The following MLLT3 variants were observed in gnomAD, a reference collection of about 807,000 sequenced individuals.
The protein encoded by MLLT3 is MLLT3 super elongation complex subunit.
MLLT3 carries 4 observed loss-of-function variants against 53.2 expected under a neutral mutation model. That is an observed-to-expected ratio of 0.08 (90% CI 0.04 to 0.17). The LOEUF (loss-of-function observed/expected upper bound fraction) is 0.17, where lower values mean the gene tolerates loss of function less well. MLLT3 is among the 10% of genes least tolerant of loss of function. MLLT3 has a pLI of 1.00. For synonymous variants in MLLT3, 283 were observed against 230.6 expected, an observed-to-expected ratio of 1.23 and a Z score of -2.06; for missense variants, 569 against 684.0, an observed-to-expected ratio of 0.83 and a Z score of 1.87.
At chr9:20,589,717 T>G (rs1820078368) in intron 2 of MLLT3, among the ~76,000 whole-genome samples, 1 of 151,134 alleles carries the variant, frequency 6.6e-6, no homozygotes, top group Non-Finnish European at 1.5e-5. Flanking sequence ...TCGGTGATTT[T>G]TTTTTTTTTT....
chr9:20,614,855 T>C (rs1023507970), intron 2 of MLLT3, among the ~76,000 whole-genome samples: 1 of 139,484 alleles, frequency 7.2e-6, no homozygotes, highest in East Asian at 2.0e-4. Context: ...GGGGCCAAGG[T>C]TGGTCCATGG....
At position 20,573,372 on chromosome 9, in the gene MLLT3, G is replaced by T. The variant is rs115269505; in HGVS notation, c.193+47282C>A. Among the ~76,000 whole-genome samples the T allele has an allele frequency of 5.2e-3, 785 of 152,054 alleles. 5 individuals are homozygous for T. Among genetic ancestry groups the T allele is most frequent in the African/African-American group, 0.018 (732 of 41,482 alleles). On this transcript the variant is annotated intron_variant, in intron 2 of 10. Coordinates refer to ENST00000380338, the MANE Select transcript of MLLT3 (RefSeq NM_004529.4). The stretch of plus-strand genomic sequence containing the variant: ...TTTTCTGTATTTTTCATAAAGATGG[G>T]TTTCACCATGTTGCCCAGACTAGTC...
chr9:20,498,265 A>G (rs891056949), intron 2 of MLLT3, among the ~76,000 whole-genome samples: 3 of 130,738 alleles, frequency 2.3e-5, no homozygotes, highest in East Asian at 2.4e-4. Flanking sequence ...AAAAAAAAAA[A>G]AGTTCTTCTA....
chr9:20,558,093 A>G (rs6475460), intron 2 of MLLT3, among the ~76,000 whole-genome samples: 127,431 of 152,136 alleles, frequency 0.84, 53,789 homozygotes, highest in Middle Eastern at 0.94. Flanking sequence ...AGAGGCTGCA[A>G]GAAGGAAGCC....
rs948944934 is a variant in MLLT3 at position 20,342,130 on chromosome 9, C to G, written c.*4313G>C. 22 of 215,138 alleles carry G rather than the reference C, an allele frequency of 1.0e-4. No homozygotes were observed. Among genetic ancestry groups the G allele is most frequent in the Non-Finnish European group, 1.8e-4 (19 of 106,640 alleles). 13.3% of individuals were successfully genotyped at this position (215,138 alleles called of 1,614,324 possible). ...AGAAAAGGCTAGGGGCTAATTTTTCCTGTATGCAAAATAAAGCCAAACTTT... is the reference window on the plus strand; with the variant it reads ...AGAAAAGGCTAGGGGCTAATTTTTCGTGTATGCAAAATAAAGCCAAACTTT... On this transcript the variant is annotated 3_prime_UTR_variant, in exon 11 of 11. Transcript: ENST00000380338.
At chr9:20,552,523 G>A (rs947921934) in intron 2 of MLLT3, among the ~76,000 whole-genome samples, 7 of 150,934 alleles carry the variant, frequency 4.6e-5, no homozygotes, top group South Asian at 2.1e-4. Context: ...TGTTGTTATC[G>A]TTGTTGTTGT....
At chr9:20,506,592 T>C (rs1825387141) in intron 2 of MLLT3, among the ~76,000 whole-genome samples, 1 of 152,134 alleles carries the variant, frequency 6.6e-6, no homozygotes, top group African/African-American at 2.4e-5. Flanking sequence ...GCATTCCAAA[T>C]CACATGCCAA....
At position 20,606,196 on chromosome 9, in the gene MLLT3, A is replaced by G. The variant is rs557377623; in HGVS notation, c.193+14458T>C. ...TGGGTCTTGGAGCCCACTGCCTGTA[A>G]AATCTCCCATGGAGATTCAAGACCA... On this transcript the variant is annotated intron_variant, in intron 2 of 10. Transcript: ENST00000380338. Among the ~76,000 whole-genome samples the G allele has an allele frequency of 9.2e-5, 14 of 152,232 alleles. No individual in the cohort carries two copies. In the South Asian group the frequency reaches 2.9e-3, roughly 32 times the overall value.
intron 5 of MLLT3, among the ~76,000 whole-genome samples, chr9:20,407,403 T>C (rs1822610092): frequency 6.6e-6 from 1 of 152,170 alleles, no homozygotes; most frequent in African/African-American, 2.4e-5. Context: ...TCCTGGATGT[T>C]TCACAGCTCT....
At chr9:20,523,166 G>A (rs559922738) in intron 2 of MLLT3, among the ~76,000 whole-genome samples, 4 of 152,020 alleles carry the variant, frequency 2.6e-5, no homozygotes, top group African/African-American at 9.7e-5. Context: ...TTAAAACAAC[G>A]AGCTATTTCT....
chr9:20,553,203 C>CA (rs530245786), intron 2 of MLLT3, among the ~76,000 whole-genome samples: 114 of 152,180 alleles, frequency 7.5e-4, no homozygotes, highest in Non-Finnish European at 1.4e-3. Context: ...TAAAACAAAA[C>CA]AAAAAAGCCC....
chr9:20,561,118 TACACATGCATGCACGCAC>T (rs1487908264), intron 2 of MLLT3, among the ~76,000 whole-genome samples: 1 of 152,134 alleles, frequency 6.6e-6, no homozygotes, highest in Non-Finnish European at 1.5e-5. Context: ...TTCTCCAGGT[TACACATGCATGCACGCAC>T]ACACACGCGT....
At chr9:20,379,050 T>C (rs1821845697) in intron 5 of MLLT3, among the ~76,000 whole-genome samples, 1 of 152,088 alleles carries the variant, frequency 6.6e-6, no homozygotes. Flanking sequence ...AATCAATCTA[T>C]TGTTGCACTT....
intron 4 of MLLT3, among the ~76,000 whole-genome samples, chr9:20,447,601 T>C (rs1823737010): frequency 6.6e-6 from 1 of 152,186 alleles, no homozygotes; most frequent in South Asian, 2.1e-4. Context: ...TTTGCTACCA[T>C]TACTTTAAAA....
intron 2 of MLLT3, among the ~76,000 whole-genome samples, chr9:20,503,421 G>A (rs1035545337): frequency 1.3e-5 from 2 of 152,072 alleles, no homozygotes; most frequent in African/African-American, 4.8e-5. Flanking sequence ...TTTCAACAAA[G>A]GTGCCAAGAA....
At chr9:20,441,923 C>G (rs753444785) in intron 4 of MLLT3, among the ~76,000 whole-genome samples, 1 of 152,054 alleles carries the variant, frequency 6.6e-6, no homozygotes, top group Non-Finnish European at 1.5e-5. Flanking sequence ...TTCCTAAGAA[C>G]ATAATTTGTT....
intron 5 of MLLT3, among the ~76,000 whole-genome samples, chr9:20,401,815 A>C (rs988160776): frequency 3.0e-4 from 45 of 152,198 alleles, no homozygotes; most frequent in African/African-American, 1.1e-3. Context: ...ATAATAAAAT[A>C]AACATTCTGT....
rs946877642 is a variant in MLLT3 at position 20,504,166 on chromosome 9, T to C, written c.194-47380A>G. Among the ~76,000 whole-genome samples the C allele has an allele frequency of 2.6e-5, 4 of 152,140 alleles. No individual in the cohort carries two copies. In the South Asian group the frequency reaches 6.2e-4, roughly 24 times the overall value. On this transcript the variant is annotated intron_variant, in intron 2 of 10. Coordinates refer to ENST00000380338, the MANE Select transcript of MLLT3 (RefSeq NM_004529.4). Reference sequence around the variant, plus strand: ...TTAAGGTTCCTCAAAAATTAAATTATTGACCTAGCAATTCCAAAACTGTGT... The same window carrying C: ...TTAAGGTTCCTCAAAAATTAAATTACTGACCTAGCAATTCCAAAACTGTGT...
intron 2 of MLLT3, among the ~76,000 whole-genome samples, chr9:20,619,112 C>T (rs547097855): frequency 2.6e-5 from 4 of 152,172 alleles, no homozygotes; most frequent in Admixed American, 2.6e-4. Context: ...ACCTCATCAG[C>T]GATAGAAATT....
Sources: gnomAD v4.1 joint callset for allele counts (sites outside exome capture counted in the v4.1 genomes callset) on GRCh38, gnomAD v4.1.1 for gene constraint, MANE v1.5 for transcripts, NCBI Gene and HGNC (gene_info 2026-07-23, HGNC 2026-07-21) for gene names.